The following CLMN variants were observed in gnomAD, a reference collection of about 807,000 sequenced individuals.
CLMN encodes the protein calmin, also known as calmin (calponin-like, transmembrane).
In CLMN, 57 loss-of-function variants were observed where a neutral mutation model predicts 92.7. The observed-to-expected ratio is 0.61, with a 90% CI of 0.50 to 0.77. The LOEUF (loss-of-function observed/expected upper bound fraction) is 0.77. Among genes scored for constraint, CLMN ranks in the 30% least tolerant of loss-of-function variants. The pLI, the probability that CLMN is intolerant of heterozygous loss-of-function variation, is 0.00. For missense variants in CLMN, 1,158 were observed against 1,237.5 expected (o/e 0.94, Z 0.96); for synonymous variants, 466 against 470.6 (o/e 0.99, Z 0.13).
rs1334376883 is a variant in CLMN at position 95,256,516 on chromosome 14, C to T, written c.83-26383G>A. 1.3e-5 allele frequency among the ~76,000 whole-genome samples: 2 copies of T among 152,158 alleles called. No individual in the cohort carries two copies. Among genetic ancestry groups the T allele is most frequent in the African/African-American group, 4.8e-5 (2 of 41,436 alleles). On this transcript the variant is annotated intron_variant, in intron 1 of 12. Transcript: ENST00000298912. This position sits in a 1 kb window ranked among gnomAD's most constrained non-coding sequence, Gnocchi z 4.9. ...TGAAGGAGCTGGCCTCCTGGAGTACCTCCCACCTGCTGCTGGGCCCACGGC... is the reference window on the plus strand; with the variant it reads ...TGAAGGAGCTGGCCTCCTGGAGTACTTCCCACCTGCTGCTGGGCCCACGGC...
intron 1 of CLMN, among the ~76,000 whole-genome samples, chr14:95,302,163 G>A (rs1901085749): frequency 6.6e-6 from 1 of 152,172 alleles, no homozygotes; most frequent in Admixed American, 6.5e-5. Flanking sequence ...AGTGGGGCAT[G>A]GTGGTGTGCA....
intron 1 of CLMN, among the ~76,000 whole-genome samples, chr14:95,307,244 C>T (rs1256463872): frequency 1.3e-5 from 2 of 152,236 alleles, no homozygotes; most frequent in Non-Finnish European, 2.9e-5. Flanking sequence ...CATCCACACT[C>T]TCCCTTTGAT....
chr14:95,223,848 G>A lies in CLMN; in HGVS notation c.152C>T (p.Pro51Leu). 1.2e-6 allele frequency: 2 copies of A among 1,610,856 alleles called. No homozygotes were observed. Among genetic ancestry groups the A allele is most frequent in the South Asian group, 1.1e-5 (1 of 90,328 alleles). ...WINLHLEKCN[P>L]PLEVKDLFVD... ...GAATAAATCTTTAACTTCTAGAGGT[G>A]GGTTGCACTTTGAAAGAGAAGGGAA... Residue 51 changes from proline to leucine, a missense_variant, in exon 3 of 13, where the codon CCA becomes CTA. Transcript: ENST00000298912.
chr14:95,288,627 T>TG (rs1480290685), intron 1 of CLMN, among the ~76,000 whole-genome samples: 1 of 152,180 alleles, frequency 6.6e-6, no homozygotes, highest in East Asian at 1.9e-4. Context: ...GGCTGTAAAT[T>TG]GGTGCCACTT....
At chr14:95,226,748 T>C (rs984569778) in intron 2 of CLMN, among the ~76,000 whole-genome samples, 9 of 152,172 alleles carry the variant, frequency 5.9e-5, no homozygotes, top group African/African-American at 1.9e-4. Flanking sequence ...GTTAATTTTT[T>C]AAACTTTTTG....
In CLMN at chr14:95,186,913, C is replaced by T. The variant is rs1896454554; in HGVS notation, c.*4651G>A. The T allele has an allele frequency of 6.6e-6, 1 of 152,128 alleles. No homozygotes were observed. The highest frequency in any genetic ancestry group is 1.5e-5 in the Non-Finnish European group (1 of 68,064). 9.4% of individuals were successfully genotyped at this position (152,128 alleles called of 1,614,324 possible). A position where few individuals can be genotyped will look rare whatever the true frequency, so the allele number is the denominator to read the frequency against. On this transcript the variant is annotated 3_prime_UTR_variant, in exon 13 of 13. Transcript: ENST00000298912. ...AAGGGTGGTAAAGAAAACCTAGAAC[C>T]CAGACCACCACATAGACTATATCTT...
At chr14:95,315,860 C>A (rs1901744567) in intron 1 of CLMN, among the ~76,000 whole-genome samples, 1 of 152,230 alleles carries the variant, frequency 6.6e-6, no homozygotes, top group African/African-American at 2.4e-5. Context: ...CTAGAACCAG[C>A]TTTCATTCTC....
At chr14:95,298,917 A>C (rs1900923606) in intron 1 of CLMN, among the ~76,000 whole-genome samples, 2 of 152,162 alleles carry the variant, frequency 1.3e-5, no homozygotes, top group Non-Finnish European at 2.9e-5. Context: ...TTTGCAAGCA[A>C]TATTTTACAA....
chr14:95,310,540 A>G (rs1257049301), intron 1 of CLMN, among the ~76,000 whole-genome samples: 1 of 152,212 alleles, frequency 6.6e-6, no homozygotes, highest in Non-Finnish European at 1.5e-5. Flanking sequence ...GGGGATTAGG[A>G]TGTGGACATC....
intron 1 of CLMN, among the ~76,000 whole-genome samples, chr14:95,280,732 G>A (rs910915154): frequency 5.3e-5 from 8 of 152,146 alleles, no homozygotes; most frequent in African/African-American, 1.9e-4. Context: ...ATGAAATGGT[G>A]TTTGGCTTTT....
At chr14:95,240,578 G>C (rs1415724002) in intron 1 of CLMN, among the ~76,000 whole-genome samples, 1 of 152,140 alleles carries the variant, frequency 6.6e-6, no homozygotes, top group Non-Finnish European at 1.5e-5. Flanking sequence ...TACCCTTGCT[G>C]GACTGTTGAG....
chr14:95,288,645 C>A (rs1292259112), intron 1 of CLMN, among the ~76,000 whole-genome samples: 1 of 152,198 alleles, frequency 6.6e-6, no homozygotes, highest in Non-Finnish European at 1.5e-5. Flanking sequence ...CTTTCAAAAA[C>A]TGTTTGGCAG....
intron 1 of CLMN, among the ~76,000 whole-genome samples, chr14:95,238,041 C>T (rs1898114718): frequency 6.6e-6 from 1 of 152,208 alleles, no homozygotes; most frequent in African/African-American, 2.4e-5. Context: ...AGCCAACTGG[C>T]CCACCCTCCG....
chr14:95,319,448 C>G (rs1003281943), intron 1 of CLMN, among the ~76,000 whole-genome samples: 5 of 152,160 alleles, frequency 3.3e-5, no homozygotes, highest in Admixed American at 3.3e-4. Flanking sequence ...GGTGACGTCC[C>G]CCTAATGAAA....
intron 4 of CLMN, among the ~76,000 whole-genome samples, chr14:95,217,356 T>G (rs369312032): frequency 1.3e-5 from 2 of 152,226 alleles, no homozygotes; most frequent in East Asian, 3.8e-4. Context: ...ATCATGGGTT[T>G]CCGACAACAC....
intron 1 of CLMN, among the ~76,000 whole-genome samples, chr14:95,285,164 T>G (rs1306760020): frequency 6.6e-6 from 1 of 152,216 alleles, no homozygotes. Context: ...ATATAAGAAG[T>G]GCCTTTCGCC....
chr14:95,240,352 C>G (rs1052238239), intron 1 of CLMN, among the ~76,000 whole-genome samples: 4 of 152,158 alleles, frequency 2.6e-5, no homozygotes, highest in African/African-American at 9.7e-5. Context: ...TGTGGCATGA[C>G]CAAGTTCCAG....
chr14:95,258,076 G>A (rs1275003489), intron 1 of CLMN, among the ~76,000 whole-genome samples: 1 of 151,964 alleles, frequency 6.6e-6, no homozygotes, highest in East Asian at 1.9e-4. Flanking sequence ...AGGTGTGTGT[G>A]CTTGTGTGGG....
chr14:95,200,729 G>T (rs184532464), intron 9 of CLMN, among the ~76,000 whole-genome samples: 136 of 152,294 alleles, frequency 8.9e-4, no homozygotes, highest in African/African-American at 3.2e-3. Context: ...GTGACCAGCT[G>T]CTCAAGCTCA....
Sources: allele counts gnomAD v4.1 joint callset (sites outside exome capture counted in the v4.1 genomes callset), GRCh38; gene constraint gnomAD v4.1.1; non-coding constraint Gnocchi (gnomAD v3.1); transcripts MANE v1.5; gene names NCBI Gene and HGNC (gene_info 2026-07-23, HGNC 2026-07-21).